XRRA1: variants seen among roughly 807,000 people sequenced by gnomAD.
XRRA1 encodes the protein X-ray radiation resistance associated 1.
Under a neutral mutation model 80.2 loss-of-function variants are expected in XRRA1, and 69 were observed. The observed-to-expected ratio is 0.86, with a 90% CI of 0.71 to 1.05. XRRA1 has a LOEUF of 1.05. Ranked by LOEUF, XRRA1 falls within the 50% of genes least tolerant of loss-of-function variation. The pLI is 0.00. For synonymous variants in XRRA1, 348 were observed against 389.9 expected (o/e 0.89, Z 1.27); for missense variants, 967 against 976.4 (o/e 0.99, Z 0.13).
intron 11 of XRRA1, 93 bp from the exon 12 acceptor site, chr11:74,859,376 G>C: frequency 7.2e-7 from 1 of 1,391,530 alleles, no homozygotes; most frequent in Non-Finnish European, 9.7e-7. Context: ...AGGGTGGAAT[G>C]AATGACCTTC....
At chr11:74,859,119 C>T (rs200460350) in intron 12 of XRRA1, 39 bp downstream of exon 12, 320 of 1,548,822 alleles carry the variant, frequency 2.1e-4, no homozygotes, top group Non-Finnish European at 9.0e-5. Context: ...ACCTTCCCAT[C>T]TGTGCCCCTG....
At chr11:74,856,874 G>A (rs1377475794) in intron 12 of XRRA1, among the ~76,000 whole-genome samples, 1 of 152,118 alleles carries the variant, frequency 6.6e-6, no homozygotes, top group African/African-American at 2.4e-5. Flanking sequence ...TGCATCTTGG[G>A]TAGGGAAAAA....
In XRRA1 at chr11:74,851,210, C is replaced by G. The variant is rs1270735251; in HGVS notation, c.1265-7G>C. The stretch of plus-strand genomic sequence containing the variant: ...TTCAGCAGTGGAGGGACCCCTGGTG[C>G]CATGATGGGAAAATAAGATTACTAT... On this transcript the variant is annotated splice_region_variant and splice_polypyrimidine_tract_variant and intron_variant, in intron 13 of 18. Coordinates refer to ENST00000684022, the MANE Select transcript of XRRA1 (RefSeq NM_001378157.1). The G allele has an allele frequency of 6.3e-7, 1 of 1,595,368 alleles. No homozygotes were observed. The highest frequency in any genetic ancestry group is 1.1e-5 in the South Asian group (1 of 88,950).
At chr11:74,875,466 C>A (rs1241509603) in intron 10 of XRRA1, among the ~76,000 whole-genome samples, 2 of 152,200 alleles carry the variant, frequency 1.3e-5, no homozygotes, top group Non-Finnish European at 2.9e-5. Flanking sequence ...TCCTTAAGAT[C>A]CTTCATCAAG....
intron 8 of XRRA1, among the ~76,000 whole-genome samples, chr11:74,912,289 T>C (rs1293328087): frequency 6.6e-6 from 1 of 152,220 alleles, no homozygotes; most frequent in African/African-American, 2.4e-5. Flanking sequence ...CAATCTGCCT[T>C]AAGATACCTG....
At chr11:74,931,259 G>A (rs1943497995) in intron 5 of XRRA1, among the ~76,000 whole-genome samples, 2 of 151,798 alleles carry the variant, frequency 1.3e-5, no homozygotes, top group African/African-American at 4.8e-5. Flanking sequence ...CTGTTTTTGA[G>A]AATTACCTGT....
chr11:74,855,321 T>A (rs1332650130), intron 12 of XRRA1, among the ~76,000 whole-genome samples: 1 of 152,192 alleles, frequency 6.6e-6, no homozygotes, highest in Non-Finnish European at 1.5e-5. Flanking sequence ...GATGCAGAAT[T>A]TAATCTTGTC....
chr11:74,866,743 TAATC>T (rs2043519797), intron 10 of XRRA1, among the ~76,000 whole-genome samples: 1 of 150,906 alleles, frequency 6.6e-6, no homozygotes. Flanking sequence ...ACAGCAGAAT[TAATC>T]AAACAGAGGA....
chr11:74,949,065 A>C lies in XRRA1; in HGVS notation c.-210T>G. The C allele has an allele frequency of 2.2e-6, 1 of 455,378 alleles. No individual in the cohort carries two copies. 28.2% of individuals were successfully genotyped at this position (455,378 alleles called of 1,614,324 possible). Reference sequence around the variant, plus strand: ...CCTGCCGCTATCTTCCCCACGCCTTAGTAACTGCGACGCGACGGCAGACAG... The same window carrying C: ...CCTGCCGCTATCTTCCCCACGCCTTCGTAACTGCGACGCGACGGCAGACAG... On this transcript the variant is annotated 5_prime_UTR_variant, in exon 1 of 19. Transcript: ENST00000684022.
At chr11:74,895,536 C>A (rs2052072354) in intron 10 of XRRA1, among the ~76,000 whole-genome samples, 1 of 152,210 alleles carries the variant, frequency 6.6e-6, no homozygotes, top group Non-Finnish European at 1.5e-5. Context: ...TAGTGTTAGG[C>A]TGGGCTTAGA....
intron 10 of XRRA1, among the ~76,000 whole-genome samples, chr11:74,889,838 CAAG>C (rs1037929978): frequency 7.7e-4 from 118 of 152,314 alleles, no homozygotes; most frequent in African/African-American, 2.8e-3. Flanking sequence ...ATCAATTCAA[CAAG>C]AAGAGCTAAC....
In XRRA1 at chr11:74,948,454, G is replaced by C. The variant is rs538997589; in HGVS notation, c.-73+474C>G. 1.7e-3 allele frequency among the ~76,000 whole-genome samples: 252 copies of C among 152,298 alleles called. 1 individual carries two copies. Among genetic ancestry groups the C allele is most frequent in the African/African-American group, 5.8e-3 (243 of 41,548 alleles). ...AGGTCTATCTTGATCCCCTGTATCC[G>C]TTAGTACAATATTGGTGCTCAATAT... On this transcript the variant is annotated intron_variant, in intron 1 of 18. Coordinates refer to ENST00000684022, the MANE Select transcript of XRRA1 (RefSeq NM_001378157.1).
intron 8 of XRRA1, among the ~76,000 whole-genome samples, chr11:74,911,602 T>C (rs1210464479): frequency 6.6e-6 from 1 of 152,178 alleles, no homozygotes; most frequent in Non-Finnish European, 1.5e-5. Flanking sequence ...AGATGGGGTC[T>C]TGCTATGGTT....
At chr11:74,869,280 T>A (rs910986815) in intron 10 of XRRA1, among the ~76,000 whole-genome samples, 2 of 152,204 alleles carry the variant, frequency 1.3e-5, no homozygotes, top group Non-Finnish European at 2.9e-5. Flanking sequence ...AATCAAGATA[T>A]TCTTTGAAAC....
chr11:74,921,746 T>C (rs1940866403), intron 7 of XRRA1, among the ~76,000 whole-genome samples: 1 of 152,194 alleles, frequency 6.6e-6, no homozygotes, highest in Non-Finnish European at 1.5e-5. Flanking sequence ...CTACCTCCCC[T>C]AACTTTGACT....
chr11:74,899,243 A>G (rs1034089675), intron 10 of XRRA1, among the ~76,000 whole-genome samples: 3 of 152,160 alleles, frequency 2.0e-5, no homozygotes, highest in African/African-American at 4.8e-5. Context: ...ACCAAAACAT[A>G]TAAGATACAG....
intron 14 of XRRA1, among the ~76,000 whole-genome samples, chr11:74,850,235 G>C (rs532750511): frequency 6.6e-6 from 1 of 152,164 alleles, no homozygotes; most frequent in Non-Finnish European, 1.5e-5. Flanking sequence ...TAGCATACAC[G>C]TAAGAGCTCT....
intron 14 of XRRA1, 157 bp downstream of exon 14, chr11:74,850,931 G>C (rs1370783377): frequency 2.0e-6 from 1 of 494,392 alleles, no homozygotes; most frequent in Non-Finnish European, 3.6e-6. Flanking sequence ...TTCATCCAGT[G>C]CTCTTCCCAA....
At chr11:74,896,704 C>T (rs58060741) in intron 10 of XRRA1, among the ~76,000 whole-genome samples, 3,602 of 152,238 alleles carry the variant, frequency 0.024, 122 homozygotes, top group African/African-American at 0.083. Flanking sequence ...TCACCGCACC[C>T]TCAGTTTCAG....
Sources: gnomAD v4.1 joint callset for allele counts (sites outside exome capture counted in the v4.1 genomes callset) on GRCh38, gnomAD v4.1.1 for gene constraint, MANE v1.5 for transcripts, NCBI Gene and HGNC (gene_info 2026-07-23, HGNC 2026-07-21) for gene names.